Variants in PRTG observed in about 807,000 individuals in gnomAD.
PRTG encodes the protein immunoglobulin superfamily, DCC subclass, member 5.
Under a neutral mutation model 122.5 loss-of-function variants are expected in PRTG, and 67 were observed. The observed-to-expected ratio is 0.55, with a 90% confidence interval of 0.45 to 0.67. PRTG has a LOEUF of 0.67. Among genes scored for constraint, PRTG ranks in the 30% least tolerant of loss-of-function variants. PRTG has a pLI of 0.00. For synonymous variants in PRTG, 554 were observed against 501.1 expected, an observed-to-expected ratio of 1.11 and a Z score of -1.41; for missense variants, 1,435 against 1,415.4, an observed-to-expected ratio of 1.01 and a Z score of -0.22.
At chr15:55,640,677 AAT>A (rs1191244452) in intron 12 of PRTG, among the ~76,000 whole-genome samples, 1 of 152,194 alleles carries the variant, frequency 6.6e-6, no homozygotes, top group African/African-American at 2.4e-5. Flanking sequence ...CTTATAATTC[AAT>A]ATATCTTACT....
Position 55,683,944 on chromosome 15 carries a change from G to C in PRTG, c.398-13C>G, listed in dbSNP as rs1224989683. On this transcript the variant is annotated splice_polypyrimidine_tract_variant and intron_variant, in intron 2 of 19. Coordinates refer to ENST00000389286, the MANE Select transcript of PRTG (RefSeq NM_173814.6). Reference sequence around the variant, plus strand: ...AATGCAGAAATAGCTATAAGATAAAGTTTGAGAAATTCAGAATAAGTGCAT... The same window carrying C: ...AATGCAGAAATAGCTATAAGATAAACTTTGAGAAATTCAGAATAAGTGCAT... 1 of 1,608,960 alleles carries C rather than the reference G, an allele frequency of 6.2e-7. No individual in the cohort carries two copies. Among genetic ancestry groups the C allele is most frequent in the African/African-American group, 1.3e-5 (1 of 74,754 alleles).
At chr15:55,653,756 G>A (rs185105712) in intron 11 of PRTG, among the ~76,000 whole-genome samples, 18 of 152,252 alleles carry the variant, frequency 1.2e-4, no homozygotes, top group African/African-American at 1.4e-4. Flanking sequence ...CAGCCACTGC[G>A]CCCGGCCAGA....
intron 2 of PRTG, among the ~76,000 whole-genome samples, chr15:55,701,652 C>A (rs2059664474): frequency 6.6e-6 from 1 of 152,154 alleles, no homozygotes. Flanking sequence ...AAGCTTTATT[C>A]ATAATCATCC....
intron 17 of PRTG, among the ~76,000 whole-genome samples, chr15:55,625,500 G>A (rs548160145): frequency 6.6e-6 from 1 of 151,894 alleles, no homozygotes; most frequent in African/African-American, 2.4e-5. Context: ...TGCCCAGGGT[G>A]GAGTGCAGTG....
At chr15:55,661,562 A>G (rs2059409587) in intron 11 of PRTG, among the ~76,000 whole-genome samples, 1 of 152,212 alleles carries the variant, frequency 6.6e-6, no homozygotes. Context: ...GTTTCAGGGT[A>G]GACAATTTTC....
intron 11 of PRTG, among the ~76,000 whole-genome samples, chr15:55,658,454 T>C (rs1285650253): frequency 6.6e-6 from 1 of 152,122 alleles, no homozygotes; most frequent in African/African-American, 2.4e-5. Flanking sequence ...TAGCTGGGAC[T>C]GCAGGTGCAT....
chr15:55,731,091 G>C (rs772005291), intron 2 of PRTG, among the ~76,000 whole-genome samples: 1 of 149,818 alleles, frequency 6.7e-6, no homozygotes, highest in Non-Finnish European at 1.5e-5. Flanking sequence ...TAAACATTGG[G>C]AGATCAGTGG....
rs1001014168 is a variant in PRTG, at chr15:55,719,386, G to C, written c.397+20996C>G. Reference sequence around the variant, plus strand: ...GAAAATCTGAAAGGTTAGAATTCTAGAAGAGTATATTTTGAGGGAATATCA... The same window carrying C: ...GAAAATCTGAAAGGTTAGAATTCTACAAGAGTATATTTTGAGGGAATATCA... On this transcript the variant is annotated intron_variant, in intron 2 of 19. Transcript: ENST00000389286. Among the ~76,000 whole-genome samples, 13 of 152,282 alleles carry C rather than the reference G, an allele frequency of 8.5e-5. No individual in the cohort carries two copies. In the South Asian group the frequency reaches 1.9e-3, roughly 22 times the overall value.
intron 14 of PRTG, among the ~76,000 whole-genome samples, chr15:55,638,089 CA>C (rs2059267848): frequency 6.6e-6 from 1 of 152,158 alleles, no homozygotes; most frequent in African/African-American, 2.4e-5. Context: ...GGTCTAGAGA[CA>C]TAAAATATCT....
intron 11 of PRTG, among the ~76,000 whole-genome samples, chr15:55,652,286 G>T (rs1316622893): frequency 1.3e-5 from 2 of 152,082 alleles, no homozygotes; most frequent in Non-Finnish European, 2.9e-5. Flanking sequence ...CTGATATAAC[G>T]TCAGGATATG....
intron 16 of PRTG, 36 bp from the exon 17 acceptor site, chr15:55,627,164 G>A: frequency 6.8e-7 from 1 of 1,465,900 alleles, no homozygotes; most frequent in African/African-American, 1.4e-5. Context: ...GAATCAATCA[G>A]AAAAATAAAT....
At chr15:55,679,195 T>A (rs1207523809) in intron 7 of PRTG, 91 bp downstream of exon 7, 2 of 764,934 alleles carry the variant, frequency 2.6e-6, no homozygotes, top group Admixed American at 2.7e-5. Flanking sequence ...CAAGATAATT[T>A]AGGTATTTGA....
At chr15:55,702,952 C>T (rs1239239493) in intron 2 of PRTG, 1 of 984,400 alleles carries the variant, frequency 1.0e-6, no homozygotes, top group East Asian at 1.1e-4. Context: ...CCGGGGTCCC[C>T]TGACATTCTA....
intron 4 of PRTG, among the ~76,000 whole-genome samples, chr15:55,681,710 G>A (rs1018859543): frequency 2.6e-5 from 4 of 151,860 alleles, no homozygotes; most frequent in Admixed American, 6.6e-5. Context: ...AATGCAAATC[G>A]TGGTATTTCT....
At chr15:55,641,018 G>C in intron 12 of PRTG, 95 bp downstream of exon 12, 1 of 856,412 alleles carries the variant, frequency 1.2e-6, no homozygotes, top group East Asian at 2.5e-5. Flanking sequence ...AGCCACCAAA[G>C]CTTCCAAGTA....
chr15:55,659,335 C>G (rs2059396837), intron 11 of PRTG, among the ~76,000 whole-genome samples: 1 of 152,154 alleles, frequency 6.6e-6, no homozygotes, highest in Admixed American at 6.5e-5. Context: ...TCGTATTTAG[C>G]CTGCTTTGAT....
chr15:55,617,287 T>G lies in PRTG; in HGVS notation c.*2725A>C, dbSNP rs1303682438. ...AATATAAAAATACTTTAATACTGTA[T>G]AGTTGAAGATTTACTTGCTGAAGAA... On this transcript the variant is annotated 3_prime_UTR_variant, in exon 20 of 20. Transcript: ENST00000389286. 1 of 152,116 alleles carries G rather than the reference T, an allele frequency of 6.6e-6. No homozygotes were observed. 9.4% of individuals were successfully genotyped at this position (152,116 alleles called of 1,614,324 possible).
chr15:55,647,890 G>C (rs1327353434), intron 11 of PRTG, among the ~76,000 whole-genome samples: 1 of 152,216 alleles, frequency 6.6e-6, no homozygotes, highest in Non-Finnish European at 1.5e-5. Flanking sequence ...CTGGTGTATA[G>C]AGCAGGCAGA....
At chr15:55,673,744 A>G in intron 9 of PRTG, 68 bp from the exon 10 acceptor site, 2 of 1,210,050 alleles carry the variant, frequency 1.7e-6, no homozygotes, top group Non-Finnish European at 2.4e-6. Context: ...CACACCAGTA[A>G]CTGAATTCTC....
Sources: allele counts gnomAD v4.1 joint callset (sites outside exome capture counted in the v4.1 genomes callset), GRCh38; gene constraint gnomAD v4.1.1; transcripts MANE v1.5; gene names NCBI Gene and HGNC (gene_info 2026-07-23, HGNC 2026-07-21).